The following NELL1 variants were observed in gnomAD, a reference collection of about 807,000 sequenced individuals.
NELL1 encodes the protein protein kinase C-binding protein NELL1.
Under a neutral mutation model 107.4 loss-of-function variants are expected in NELL1, and 76 were observed. The observed-to-expected ratio is 0.71, with a 90% confidence interval of 0.59 to 0.86. The LOEUF is 0.86. NELL1 is among the 40% of genes least tolerant of loss of function. NELL1 has a pLI of 0.00. For missense variants in NELL1, 1,024 were observed against 1,005.5 expected (o/e 1.02, Z -0.25); for synonymous variants, 353 against 341.2 (o/e 1.03, Z -0.38).
intron 16 of NELL1, among the ~76,000 whole-genome samples, chr11:21,543,274 T>A (rs1252100379): frequency 1.3e-5 from 2 of 152,080 alleles, no homozygotes; most frequent in Non-Finnish European, 2.9e-5. Flanking sequence ...TTTATCAAAG[T>A]ACTAAATTCT....
At chr11:21,360,285 T>C (rs1315731301) in intron 14 of NELL1, among the ~76,000 whole-genome samples, 1 of 152,166 alleles carries the variant, frequency 6.6e-6, no homozygotes, top group African/African-American at 2.4e-5. Context: ...AATTTCTATG[T>C]ATTTGTATAG....
At chr11:21,440,009 G>T (rs995185737) in intron 15 of NELL1, among the ~76,000 whole-genome samples, 1 of 152,054 alleles carries the variant, frequency 6.6e-6, no homozygotes, top group African/African-American at 2.4e-5. Context: ...ACCAAGGAAA[G>T]GCATGACTAA....
At chr11:21,047,837 TG>T (rs1326459575) in intron 12 of NELL1, among the ~76,000 whole-genome samples, 2 of 152,120 alleles carry the variant, frequency 1.3e-5, no homozygotes, top group African/African-American at 4.8e-5. Context: ...GTCTAAAAGG[TG>T]TACAGCAGCT....
At chr11:20,924,622 C>A (rs1332164431) in intron 7 of NELL1, among the ~76,000 whole-genome samples, 2 of 152,110 alleles carry the variant, frequency 1.3e-5, no homozygotes, top group African/African-American at 4.8e-5. Flanking sequence ...CCATTTAGTC[C>A]TTAAGAAGTT....
intron 2 of NELL1, among the ~76,000 whole-genome samples, chr11:20,738,089 T>G (rs1190750791): frequency 6.6e-6 from 1 of 151,718 alleles, no homozygotes; most frequent in Non-Finnish European, 1.5e-5. Context: ...TGACACAGTG[T>G]GAGAAAATGT....
intron 2 of NELL1, among the ~76,000 whole-genome samples, chr11:20,707,898 C>A (rs1855010343): frequency 6.6e-6 from 1 of 152,226 alleles, no homozygotes; most frequent in Non-Finnish European, 1.5e-5. Context: ...TTTAAGTCTG[C>A]AGAACTTTCT....
At position 21,383,468 on chromosome 11, in the gene NELL1, A is replaced by ACATAG. The variant is rs113163426; in HGVS notation, c.1645+12524_1645+12525insGCATA. Among the ~76,000 whole-genome samples, 1,220 of 151,960 alleles carry ACATAG rather than the reference A, an allele frequency of 8.0e-3. 17 individuals carry two copies. The highest frequency in any genetic ancestry group is 0.028 in the African/African-American group (1,150 of 41,512). On this transcript the variant is annotated intron_variant, in intron 15 of 19. Transcript: ENST00000357134. ...GTGCTTAAAAGATAAAGTCCAACTT[A>ACATAG]CATAATATCTAAAGACTTCCATAAT...
intron 15 of NELL1, among the ~76,000 whole-genome samples, chr11:21,473,128 GA>G (rs1393471537): frequency 1.3e-5 from 2 of 152,034 alleles, no homozygotes; most frequent in African/African-American, 4.8e-5. Flanking sequence ...TCCTGCTAGA[GA>G]ATCAGGGAAG....
chr11:20,950,650 G>T lies in NELL1; in HGVS notation c.1171+3215G>T, dbSNP rs141451032. 1.2e-4 allele frequency among the ~76,000 whole-genome samples: 18 copies of T among 152,272 alleles called. No individual in the cohort carries two copies. The East Asian group carries it at 3.3e-3, about 28-fold the overall frequency. On this transcript the variant is annotated intron_variant, in intron 11 of 19. Coordinates refer to ENST00000357134, the MANE Select transcript of NELL1 (RefSeq NM_006157.5). ...TCTCTGAAACAGAAAGTAATGAAAAGTCGAGAAACACTCAATTTCTATGTA... is the reference window on the plus strand; with the variant it reads ...TCTCTGAAACAGAAAGTAATGAAAATTCGAGAAACACTCAATTTCTATGTA...
At chr11:20,769,275 A>C (rs934880990) in intron 2 of NELL1, 4 of 152,362 alleles carry the variant, frequency 2.6e-5, no homozygotes, top group African/African-American at 4.8e-5. Flanking sequence ...AGAGGAGTGC[A>C]CAATAAAGGA....
intron 13 of NELL1, among the ~76,000 whole-genome samples, chr11:21,225,660 A>G (rs1857875484): frequency 6.6e-6 from 1 of 152,088 alleles, no homozygotes; most frequent in Non-Finnish European, 1.5e-5. Flanking sequence ...TCTTGATAAC[A>G]TCTGTCTCAA....
chr11:21,386,762 T>A (rs565376928), intron 15 of NELL1, among the ~76,000 whole-genome samples: 1 of 152,076 alleles, frequency 6.6e-6, no homozygotes, highest in South Asian at 2.1e-4. Flanking sequence ...CCATAAATTC[T>A]ATGCCTTCGC....
At chr11:20,726,224 T>C (rs1050429813) in intron 2 of NELL1, among the ~76,000 whole-genome samples, 1 of 152,224 alleles carries the variant, frequency 6.6e-6, no homozygotes, top group African/African-American at 2.4e-5. Flanking sequence ...CATATGTCTT[T>C]TGGTAGAATG....
intron 12 of NELL1, among the ~76,000 whole-genome samples, chr11:21,101,446 G>A (rs963093611): frequency 6.6e-6 from 1 of 152,188 alleles, no homozygotes; most frequent in African/African-American, 2.4e-5. Context: ...CTAGTTTACA[G>A]TCCCAACAAC....
At chr11:21,278,394 A>G (rs1213165887) in intron 14 of NELL1, among the ~76,000 whole-genome samples, 3 of 152,222 alleles carry the variant, frequency 2.0e-5, no homozygotes, top group Non-Finnish European at 4.4e-5. Flanking sequence ...AATTTTTTAA[A>G]AAATCAATTA....
At chr11:20,953,194 G>A (rs975826110) in intron 11 of NELL1, among the ~76,000 whole-genome samples, 7 of 152,158 alleles carry the variant, frequency 4.6e-5, no homozygotes, top group African/African-American at 1.7e-4. Context: ...TAGTGAATAT[G>A]AGAGGTATTG....
At chr11:21,454,474 G>T (rs1347637139) in intron 15 of NELL1, among the ~76,000 whole-genome samples, 1 of 151,980 alleles carries the variant, frequency 6.6e-6, no homozygotes, top group Non-Finnish European at 1.5e-5. Flanking sequence ...TAGCCTCTCT[G>T]CTGTTTTTCT....
chr11:21,026,305 T>C (rs1852812818), intron 12 of NELL1, among the ~76,000 whole-genome samples: 1 of 152,144 alleles, frequency 6.6e-6, no homozygotes, highest in African/African-American at 2.4e-5. Flanking sequence ...CTCCCCATGC[T>C]TAGCCTCCAT....
chr11:21,467,559 T>C (rs1391110722), intron 15 of NELL1, among the ~76,000 whole-genome samples: 5 of 152,112 alleles, frequency 3.3e-5, no homozygotes, highest in African/African-American at 1.2e-4. Flanking sequence ...AGGGTAAGAA[T>C]CTAACTGCTT....
Sources: allele counts gnomAD v4.1 joint callset (sites outside exome capture counted in the v4.1 genomes callset), GRCh38; gene constraint gnomAD v4.1.1; transcripts MANE v1.5; gene names NCBI Gene and HGNC (gene_info 2026-07-23, HGNC 2026-07-21).